CERS4: variants seen among roughly 807,000 people sequenced by gnomAD.
CERS4 encodes LAG1 homolog, ceramide synthase 4.
CERS4 carries 65 observed loss-of-function variants against 51.8 expected under a neutral mutation model. That is an observed-to-expected ratio of 1.26 (90% CI 1.03 to 1.54). The LOEUF (loss-of-function observed/expected upper bound fraction) is 1.54. Ranked by LOEUF, CERS4 falls within the 40% of genes most tolerant of loss-of-function variation. CERS4 has a pLI of 0.00. For missense variants in CERS4, 563 were observed against 500.4 expected (o/e 1.13, Z -1.19); for synonymous variants, 228 against 208.4 (o/e 1.09, Z -0.81).
chr19:8,235,653 C>G (rs995519546), intron 2 of CERS4, among the ~76,000 whole-genome samples: 1 of 151,414 alleles, frequency 6.6e-6, no homozygotes, highest in Non-Finnish European at 1.5e-5. Flanking sequence ...TTTGGGATGC[C>G]GAGGTGGGAG....
At chr19:8,258,988 G>A (rs963281259) in intron 10 of CERS4, among the ~76,000 whole-genome samples, 5 of 151,530 alleles carry the variant, frequency 3.3e-5, no homozygotes, top group Non-Finnish European at 7.4e-5. Context: ...ACAATAATTA[G>A]CTGGGCATGG....
intron 2 of CERS4, among the ~76,000 whole-genome samples, chr19:8,242,947 A>G (rs1968599733): frequency 6.8e-6 from 1 of 146,738 alleles, no homozygotes; most frequent in African/African-American, 2.5e-5. Context: ...GATGCATCCA[A>G]GACCCTTGGG....
intron 2 of CERS4, among the ~76,000 whole-genome samples, chr19:8,216,182 C>T (rs1456606191): frequency 6.6e-6 from 1 of 151,862 alleles, no homozygotes; most frequent in Non-Finnish European, 1.5e-5. Flanking sequence ...AGTTCAAGAC[C>T]AGCCTGGCCA....
chr19:8,253,715 C>T (rs988396077), intron 3 of CERS4, among the ~76,000 whole-genome samples: 5 of 151,934 alleles, frequency 3.3e-5, no homozygotes, highest in East Asian at 3.9e-4. Context: ...CTCAACCTCC[C>T]GAGTAGCTGG....
At chr19:8,244,645 C>A (rs148881445) in intron 2 of CERS4, among the ~76,000 whole-genome samples, 2 of 152,262 alleles carry the variant, frequency 1.3e-5, no homozygotes, top group African/African-American at 4.8e-5. Flanking sequence ...CTCCAAAATG[C>A]TACGCCCTGC....
intron 2 of CERS4, among the ~76,000 whole-genome samples, chr19:8,237,723 C>T (rs375321789): frequency 5.3e-5 from 8 of 151,600 alleles, no homozygotes; most frequent in African/African-American, 7.3e-5. Context: ...TGGTGGTGGG[C>T]GCCTGTAGTC....
At chr19:8,260,256 G>A (rs566740160) in intron 10 of CERS4, among the ~76,000 whole-genome samples, 31 of 151,882 alleles carry the variant, frequency 2.0e-4, no homozygotes, top group African/African-American at 7.0e-4. Context: ...GTGCAATGGC[G>A]TGATCTCAGC....
Position 8,256,997 on chromosome 19 carries a change from A to G in CERS4, c.661A>G (p.Thr221Ala), listed in dbSNP as rs754174227. The change falls in exon 9 of 12, where the codon ACC (threonine) becomes GCC (alanine). Residue 221 changes from threonine (T) to alanine (A), a missense_variant. By Grantham distance (58) the Thr-to-Ala change is moderately conservative. Transcript: ENST00000251363. The part of the protein sequence containing the change: ...IHHFVAVILM[T>A]FSYSANLLRI... ...CCACTTCGTGGCGGTCATCCTGATG[A>G]CCTTCTCCTACAGTGCCAACCTGCT... 6.2e-7 allele frequency: 1 copy of G among 1,613,994 alleles called. No individual in the cohort carries two copies.
chr19:8,251,168 G>T lies in CERS4; in HGVS notation c.92G>T (p.Arg31Leu). Residue 31 changes from arginine (R) to leucine (L), a missense_variant, in exon 3 of 12, where the codon CGT becomes CTT. Arg to Leu is a moderately radical substitution (Grantham distance 102). Coordinates refer to ENST00000251363, the MANE Select transcript of CERS4 (RefSeq NM_024552.3). ...ACAGAGCTAGAAGACCGGGATGGCC[G>T]TGTCTACCCCCACCCCCAGGACTTG... ...TWTELEDRDG[R>L]VYPHPQDLLA... The T allele has an allele frequency of 6.2e-7, 1 of 1,613,540 alleles. No homozygotes were observed.
At chr19:8,245,177 C>A (rs11666536) in intron 2 of CERS4, among the ~76,000 whole-genome samples, 135,424 of 148,204 alleles carry the variant, frequency 0.91, 62,044 homozygotes, top group African/African-American at 0.98. Context: ...AGTCTCCCAA[C>A]GTGCTGGAAT....
chr19:8,254,698 G>A (rs1969280523), intron 4 of CERS4, 82 bp downstream of exon 4: 2 of 1,271,262 alleles, frequency 1.6e-6, no homozygotes, highest in South Asian at 2.6e-5. Context: ...ATTTGTTGGG[G>A]CAGGAGAAGC....
intron 2 of CERS4, among the ~76,000 whole-genome samples, chr19:8,215,588 C>T (rs1967267546): frequency 6.6e-6 from 1 of 152,142 alleles, no homozygotes; most frequent in Non-Finnish European, 1.5e-5. Flanking sequence ...GGTCCCCTCT[C>T]CCTGTACCCC....
At chr19:8,236,321 G>A (rs142274032) in intron 2 of CERS4, among the ~76,000 whole-genome samples, 51 of 152,232 alleles carry the variant, frequency 3.4e-4, no homozygotes, top group African/African-American at 1.0e-3. Context: ...TGACATATGC[G>A]TTAGTAAGGT....
chr19:8,251,772 C>A lies in CERS4; in HGVS notation c.173+523C>A, dbSNP rs1170828765. 2.7e-5 allele frequency among the ~76,000 whole-genome samples: 4 copies of A among 150,864 alleles called. No homozygotes were observed. The Admixed American group carries it at 2.7e-4, about 10-fold the overall frequency. On this transcript the variant is annotated intron_variant, in intron 3 of 11. Coordinates refer to ENST00000251363, the MANE Select transcript of CERS4 (RefSeq NM_024552.3). Reference sequence around the variant, plus strand: ...TGAGCCAAGATTGTGCCGCTGCACTCCAGCCTCGGCAACAGAGCAAGACTC... The same window carrying A: ...TGAGCCAAGATTGTGCCGCTGCACTACAGCCTCGGCAACAGAGCAAGACTC...
At chr19:8,242,819 G>C (rs2145253736) in intron 2 of CERS4, among the ~76,000 whole-genome samples, 1 of 152,242 alleles carries the variant, frequency 6.6e-6, no homozygotes, top group East Asian at 1.9e-4. Flanking sequence ...AAACTGGTGG[G>C]CATTGAAGCT....
At chr19:8,217,693 C>T (rs1037212133) in intron 2 of CERS4, among the ~76,000 whole-genome samples, 5 of 151,708 alleles carry the variant, frequency 3.3e-5, no homozygotes, top group African/African-American at 7.3e-5. Context: ...CCCACCACCA[C>T]GCCTGGCTAT....
intron 10 of CERS4, among the ~76,000 whole-genome samples, chr19:8,259,773 A>C (rs1969581916): frequency 6.6e-6 from 1 of 152,058 alleles, no homozygotes; most frequent in African/African-American, 2.4e-5. Flanking sequence ...GGAAAGAGGT[A>C]ATGTAGGAGT....
At position 8,261,678 on chromosome 19, in the gene CERS4, CT is replaced by C. The variant is rs1969709985; in HGVS notation, c.849-9del. On this transcript the variant is annotated splice_polypyrimidine_tract_variant and intron_variant, in intron 10 of 11. Transcript: ENST00000251363. ...CAAACCCCAGCCTCCTCCTCTCCCC[CT>C]GGCTGTAGGATCCTCTACACCACAT... The C allele has an allele frequency of 6.2e-7, 1 of 1,613,820 alleles. No homozygotes were observed. Among genetic ancestry groups the C allele is most frequent in the South Asian group, 1.1e-5 (1 of 91,080 alleles).
chr19:8,221,363 C>A (rs2145179411), intron 2 of CERS4, among the ~76,000 whole-genome samples: 1 of 152,218 alleles, frequency 6.6e-6, no homozygotes, highest in East Asian at 1.9e-4. Context: ...GCCTTGCCAA[C>A]ATCGGGAACT....
Sources: gnomAD v4.1 joint callset for allele counts (sites outside exome capture counted in the v4.1 genomes callset) on GRCh38, gnomAD v4.1.1 for gene constraint, MANE v1.5 for transcripts, NCBI Gene and HGNC (gene_info 2026-07-23, HGNC 2026-07-21) for gene names.